The following SNX9 variants were observed in gnomAD, a reference collection of about 807,000 sequenced individuals.
SNX9 encodes sorting nexin-9.
In SNX9, 44 loss-of-function variants were observed where a neutral mutation model predicts 89.4. That is an observed-to-expected ratio of 0.49 (90% CI 0.39 to 0.63). The LOEUF (loss-of-function observed/expected upper bound fraction) is 0.63, where lower values mean the gene tolerates loss of function less well. Ranked by LOEUF, SNX9 falls within the 30% of genes least tolerant of loss-of-function variation. SNX9 has a pLI of 0.00. For synonymous variants in SNX9, 236 were observed against 247.8 expected (o/e 0.95, Z 0.45); for missense variants, 578 against 736.1 (o/e 0.79, Z 2.49).
intron 1 of SNX9, among the ~76,000 whole-genome samples, chr6:157,846,915 C>A (rs1412898938): frequency 6.6e-6 from 1 of 152,034 alleles, no homozygotes; most frequent in African/African-American, 2.4e-5. Context: ...GGCATGGTGA[C>A]GTGTGCCTGC....
chr6:157,873,010 T>C (rs1326808594), intron 2 of SNX9, 92 bp from the exon 3 acceptor site: 1 of 966,752 alleles, frequency 1.0e-6, no homozygotes, highest in Admixed American at 3.1e-5. Context: ...TAATTGCTTT[T>C]TTTATGTATA....
chr6:157,906,716 ATCTG>A (rs1384402378), intron 7 of SNX9, among the ~76,000 whole-genome samples: 4 of 152,220 alleles, frequency 2.6e-5, no homozygotes, highest in Non-Finnish European at 5.9e-5. Flanking sequence ...CATTGAGAAT[ATCTG>A]TCTTAGAATT....
At position 157,942,805 on chromosome 6, in the gene SNX9, G is replaced by A. The variant is rs1784069169; in HGVS notation, c.1755G>A (p.Leu585=). Residue 585 remains leucine (L), a synonymous_variant, in exon 18 of 18, where the codon CTG becomes CTA. Transcript: ENST00000392185. The stretch of plus-strand genomic sequence containing the variant: ...TTTCTTGTCAGATTGCAGAAAAGCT[G>A]AGGCAGGCCCTCAGCCGCTTTCCAG... ...VQFYETIAEK[L]RQALSRFPVM The A allele has an allele frequency of 6.2e-7, 1 of 1,613,980 alleles. No homozygotes were observed. The highest frequency in any genetic ancestry group is 8.5e-7 in the Non-Finnish European group (1 of 1,179,932).
intron 4 of SNX9, among the ~76,000 whole-genome samples, chr6:157,887,854 A>G (rs1431244879): frequency 6.6e-6 from 1 of 152,126 alleles, no homozygotes; most frequent in East Asian, 1.9e-4. Context: ...CACTATATAA[A>G]TGTTTGTAGT....
chr6:157,906,329 C>G (rs1418071227), intron 7 of SNX9, 117 bp downstream of exon 7: 1 of 725,242 alleles, frequency 1.4e-6, no homozygotes, highest in Admixed American at 3.3e-5. Flanking sequence ...ATTTAATGCC[C>G]CACATAACTG....
At chr6:157,900,299 T>C (rs533136206) in intron 5 of SNX9, among the ~76,000 whole-genome samples, 2 of 152,348 alleles carry the variant, frequency 1.3e-5, no homozygotes, top group South Asian at 4.1e-4. Context: ...CTTTGTCCAT[T>C]TTTTAATTGA....
At chr6:157,893,049 G>A (rs1782897031) in intron 4 of SNX9, among the ~76,000 whole-genome samples, 1 of 152,140 alleles carries the variant, frequency 6.6e-6, no homozygotes, top group Non-Finnish European at 1.5e-5. Flanking sequence ...CCAAACTTTG[G>A]TACTTTTTCA....
At chr6:157,899,501 A>G (rs1467600594) in intron 5 of SNX9, among the ~76,000 whole-genome samples, 1 of 152,076 alleles carries the variant, frequency 6.6e-6, no homozygotes, top group Non-Finnish European at 1.5e-5. Flanking sequence ...AAAATTATCT[A>G]TATTTTCACG....
chr6:157,878,756 A>T (rs571077637), intron 4 of SNX9, among the ~76,000 whole-genome samples: 1 of 152,302 alleles, frequency 6.6e-6, no homozygotes, highest in South Asian at 2.1e-4. Flanking sequence ...GCCATTAAGG[A>T]TATAATTGAT....
chr6:157,928,526 T>C, intron 11 of SNX9, 73 bp from the exon 12 acceptor site: 1 of 1,162,666 alleles, frequency 8.6e-7, no homozygotes, highest in Non-Finnish European at 1.3e-6. Flanking sequence ...TCTGTGGTTA[T>C]ATTTGGCCCG....
chr6:157,902,653 A>C (rs1783129898), intron 6 of SNX9, among the ~76,000 whole-genome samples: 1 of 152,128 alleles, frequency 6.6e-6, no homozygotes, highest in African/African-American at 2.4e-5. Context: ...TTAAAACAAA[A>C]AAAAAAGTGT....
intron 14 of SNX9, among the ~76,000 whole-genome samples, chr6:157,936,775 T>C (rs527334026): frequency 2.6e-5 from 4 of 152,352 alleles, no homozygotes; most frequent in African/African-American, 9.6e-5. Context: ...CATAGCTACA[T>C]AGCTTTTATT....
intron 1 of SNX9, among the ~76,000 whole-genome samples, chr6:157,828,047 A>C (rs1007675148): frequency 2.0e-5 from 3 of 152,170 alleles, no homozygotes; most frequent in Non-Finnish European, 4.4e-5. Flanking sequence ...CATACTTTGT[A>C]GCCCCTCCAG....
At chr6:157,831,592 C>A (rs1781479948) in intron 1 of SNX9, among the ~76,000 whole-genome samples, 1 of 152,136 alleles carries the variant, frequency 6.6e-6, no homozygotes, top group Non-Finnish European at 1.5e-5. Flanking sequence ...CCACACAGTC[C>A]CCAGAGCACA....
intron 1 of SNX9, among the ~76,000 whole-genome samples, chr6:157,850,088 G>A (rs71563726): frequency 6.6e-6 from 1 of 152,208 alleles, no homozygotes; most frequent in Non-Finnish European, 1.5e-5. Context: ...AAGAAAACCA[G>A]AGGAGGGCAG....
intron 5 of SNX9, among the ~76,000 whole-genome samples, chr6:157,899,455 T>G (rs979312168): frequency 6.6e-6 from 1 of 152,138 alleles, no homozygotes; most frequent in Non-Finnish European, 1.5e-5. Flanking sequence ...ACAGTCTGCA[T>G]TTATCTGAAG....
chr6:157,877,068 T>C (rs1318082252), intron 4 of SNX9, among the ~76,000 whole-genome samples: 1 of 152,188 alleles, frequency 6.6e-6, no homozygotes, highest in African/African-American at 2.4e-5. Flanking sequence ...AATAGAAATA[T>C]TTATCTTATT....
chr6:157,918,801 A>G (rs1353002809), intron 9 of SNX9, among the ~76,000 whole-genome samples: 6 of 152,080 alleles, frequency 3.9e-5, no homozygotes, highest in Admixed American at 1.3e-4. Flanking sequence ...ATCTTTTTTA[A>G]CATCACAGTG....
chr6:157,856,379 C>T (rs1027797349), intron 1 of SNX9, among the ~76,000 whole-genome samples: 5 of 152,150 alleles, frequency 3.3e-5, no homozygotes, highest in Admixed American at 1.3e-4. Context: ...GTCTCTTGCT[C>T]CTGCATTATT....
Sources: allele counts gnomAD v4.1 joint callset (sites outside exome capture counted in the v4.1 genomes callset), GRCh38; gene constraint gnomAD v4.1.1; transcripts MANE v1.5; gene names NCBI Gene and HGNC (gene_info 2026-07-23, HGNC 2026-07-21).